Variants in PCSK2 observed in about 807,000 individuals in gnomAD.
PCSK2 encodes neuroendocrine convertase 2.
Under a neutral mutation model 69.7 loss-of-function variants are expected in PCSK2, and 14 were observed. The observed-to-expected ratio is 0.20, with a 90% CI of 0.13 to 0.31. PCSK2 has a LOEUF of 0.31. Ranked by LOEUF, PCSK2 falls within the 10% of genes least tolerant of loss-of-function variation. PCSK2 has a pLI of 1.00. For missense variants in PCSK2, 544 were observed against 842.5 expected, an observed-to-expected ratio of 0.65 and a Z score of 4.39; for synonymous variants, 307 against 320.7, an observed-to-expected ratio of 0.96 and a Z score of 0.46.
At chr20:17,479,291 T>C (rs2033347803) in intron 11 of PCSK2, 3 of 913,178 alleles carry the variant, frequency 3.3e-6, no homozygotes, top group Non-Finnish European at 5.5e-6. Context: ...ATAATTCCAC[T>C]ATGCTTGCGG....
At chr20:17,409,707 T>C (rs1419236604) in intron 6 of PCSK2, among the ~76,000 whole-genome samples, 1 of 152,258 alleles carries the variant, frequency 6.6e-6, no homozygotes, top group Non-Finnish European at 1.5e-5. Context: ...CATGGGTCTA[T>C]GTGTTTTTGA....
chr20:17,416,788 A>T (rs2032009308), intron 6 of PCSK2, among the ~76,000 whole-genome samples: 1 of 152,246 alleles, frequency 6.6e-6, no homozygotes, highest in Non-Finnish European at 1.5e-5. Context: ...TCCATCAATG[A>T]TAGACTGGAT....
chr20:17,439,891 G>T (rs1479736470), intron 8 of PCSK2, among the ~76,000 whole-genome samples: 1 of 152,182 alleles, frequency 6.6e-6, no homozygotes, highest in Non-Finnish European at 1.5e-5. Context: ...GACATTCTGG[G>T]CACCTCCAAC....
At chr20:17,454,681 C>T (rs2032885812) in intron 9 of PCSK2, among the ~76,000 whole-genome samples, 1 of 152,160 alleles carries the variant, frequency 6.6e-6, no homozygotes, top group African/African-American at 2.4e-5. Flanking sequence ...CACAGATCAG[C>T]CTTTTCTTAC....
chr20:17,476,512 A>G (rs796991842), intron 11 of PCSK2, among the ~76,000 whole-genome samples: 1 of 152,318 alleles, frequency 6.6e-6, no homozygotes, highest in African/African-American at 2.4e-5. Context: ...AGAGTGTCCT[A>G]TTGGCCAATG....
At position 17,481,831 on chromosome 20, in the gene PCSK2, T is replaced by TG. The variant is rs781306521; in HGVS notation, c.1684dup (p.Glu562GlyfsTer75). 1.9e-6 allele frequency: 3 copies of TG among 1,613,824 alleles called. No homozygotes were observed. The highest frequency in any genetic ancestry group is 8.5e-7 in the Non-Finnish European group (1 of 1,179,934). The stretch of plus-strand genomic sequence containing the variant: ...GTGGCCTTTCATGACCACTCACACG[T>TG]GGGGGGAAGACGCCCGAGGCACCTG... On this transcript the variant is annotated frameshift_variant, in exon 12 of 12. Coordinates refer to ENST00000262545, the MANE Select transcript of PCSK2 (RefSeq NM_002594.5). LOFTEE classifies it high-confidence loss of function.
chr20:17,431,162 G>A (rs1162618023), intron 7 of PCSK2, among the ~76,000 whole-genome samples: 1 of 152,134 alleles, frequency 6.6e-6, no homozygotes, highest in Non-Finnish European at 1.5e-5. Flanking sequence ...GGAAAGGAAT[G>A]GAGGCCAACG....
At chr20:17,261,024 C>T (rs1987362555) in intron 2 of PCSK2, among the ~76,000 whole-genome samples, 1 of 152,150 alleles carries the variant, frequency 6.6e-6, no homozygotes, top group Non-Finnish European at 1.5e-5. Flanking sequence ...TTCCCCCAAT[C>T]AAACATATCA....
Position 17,303,774 on chromosome 20 carries a change from G to A in PCSK2, c.282+43430G>A, listed in dbSNP as rs1568594144. 4.8e-5 allele frequency among the ~76,000 whole-genome samples: 7 copies of A among 146,744 alleles called. No homozygotes were observed. The Middle Eastern group carries it at 0.011, about 226-fold the overall frequency. ...GTATTTTTAGTTGAGGGGAGTTTTC[G>A]CCATGTTGTCCAGGTTGGTCTTGAA... On this transcript the variant is annotated intron_variant, in intron 2 of 11. Coordinates refer to ENST00000262545, the MANE Select transcript of PCSK2 (RefSeq NM_002594.5).
intron 6 of PCSK2, among the ~76,000 whole-genome samples, chr20:17,416,913 A>G (rs1323229510): frequency 2.0e-5 from 3 of 152,222 alleles, no homozygotes; most frequent in Non-Finnish European, 4.4e-5. Flanking sequence ...TCAGCACACC[A>G]TCACAAGGAC....
chr20:17,448,500 G>T (rs2032741752), intron 8 of PCSK2, among the ~76,000 whole-genome samples: 1 of 152,126 alleles, frequency 6.6e-6, no homozygotes, highest in Admixed American at 6.5e-5. Context: ...GCTACTTAAG[G>T]CCATGCCCAG....
intron 5 of PCSK2, among the ~76,000 whole-genome samples, chr20:17,387,987 C>A (rs1015259972): frequency 1.3e-5 from 2 of 152,068 alleles, no homozygotes; most frequent in African/African-American, 4.8e-5. Context: ...AGTAGCTATC[C>A]CTATGCTGAT....
At chr20:17,263,105 C>T (rs936623948) in intron 2 of PCSK2, 8 of 984,136 alleles carry the variant, frequency 8.1e-6, no homozygotes, top group Non-Finnish European at 9.7e-6. Flanking sequence ...AAGAAACCTC[C>T]AAGCTCTGCT....
At chr20:17,256,331 A>G (rs1024778741) in intron 1 of PCSK2, among the ~76,000 whole-genome samples, 2 of 152,140 alleles carry the variant, frequency 1.3e-5, no homozygotes, top group African/African-American at 4.8e-5. Context: ...AGTGATATCT[A>G]TATATAATAT....
chr20:17,429,624 G>A, intron 7 of PCSK2, 101 bp downstream of exon 7: 1 of 743,934 alleles, frequency 1.3e-6, no homozygotes, highest in East Asian at 2.8e-5. Context: ...GAAAAGCTAG[G>A]ATCCACAGAT....
intron 1 of PCSK2, among the ~76,000 whole-genome samples, chr20:17,242,726 C>T (rs977845076): frequency 2.8e-4 from 43 of 152,298 alleles, no homozygotes; most frequent in African/African-American, 8.9e-4. Context: ...TGTCCTCACT[C>T]CACAGGCCTT....
chr20:17,360,473 C>A (rs939034994), intron 3 of PCSK2, 59 bp from the exon 4 acceptor site: 7 of 979,518 alleles, frequency 7.1e-6, no homozygotes, highest in Non-Finnish European at 9.6e-6. Flanking sequence ...TAAATATGTA[C>A]ATGGGTGCTT....
intron 2 of PCSK2, among the ~76,000 whole-genome samples, chr20:17,325,077 A>G (rs145463916): frequency 5.1e-4 from 77 of 152,258 alleles, no homozygotes; most frequent in African/African-American, 1.8e-3. Flanking sequence ...GACCACAAAC[A>G]TGTCAGATCC....
chr20:17,424,995 T>G (rs772552589), intron 6 of PCSK2, among the ~76,000 whole-genome samples: 14 of 151,230 alleles, frequency 9.3e-5, no homozygotes, highest in Non-Finnish European at 1.9e-4. Flanking sequence ...AGGCTGGTCT[T>G]GAACTCCTGA....
Sources: allele counts gnomAD v4.1 joint callset (sites outside exome capture counted in the v4.1 genomes callset), GRCh38; gene constraint gnomAD v4.1.1; transcripts MANE v1.5; gene names NCBI Gene and HGNC (gene_info 2026-07-23, HGNC 2026-07-21).